Variants in DNAJC6 observed in about 807,000 individuals in gnomAD.
DNAJC6 encodes the protein auxilin.
DNAJC6 carries 34 observed loss-of-function variants against 110.0 expected under a neutral mutation model. The ratio of observed to expected loss-of-function variants is 0.31; its 90% CI spans 0.24 to 0.41. The LOEUF (loss-of-function observed/expected upper bound fraction) is 0.41. DNAJC6 is among the 10% of genes least tolerant of loss of function. The pLI is 1.00. For missense variants in DNAJC6, 1,031 were observed against 1,207.8 expected, an observed-to-expected ratio of 0.85 and a Z score of 2.17; for synonymous variants, 406 against 437.2, an observed-to-expected ratio of 0.93 and a Z score of 0.89.
intron 14 of DNAJC6, among the ~76,000 whole-genome samples, chr1:65,400,946 C>A (rs1454064791): frequency 6.6e-6 from 1 of 152,140 alleles, no homozygotes; most frequent in Non-Finnish European, 1.5e-5. Flanking sequence ...ACATTCCCAC[C>A]AACTGTGTCC....
intron 1 of DNAJC6, among the ~76,000 whole-genome samples, chr1:65,314,642 C>G (rs1472735987): frequency 6.6e-6 from 1 of 152,166 alleles, no homozygotes; most frequent in Non-Finnish European, 1.5e-5. Flanking sequence ...GCACCCACCA[C>G]CAGCCAGGCT....
chr1:65,324,158 G>GT (rs1645220582), intron 1 of DNAJC6, among the ~76,000 whole-genome samples: 1 of 151,752 alleles, frequency 6.6e-6, no homozygotes, highest in Admixed American at 6.6e-5. Flanking sequence ...TTGTTCATAA[G>GT]TTTTTTCTCT....
Position 65,309,854 on chromosome 1 carries a change from G to C in DNAJC6, c.109G>C (p.Gly37Arg). The C allele has an allele frequency of 2.6e-6, 4 of 1,548,558 alleles. No individual in the cohort carries two copies. The highest frequency in any genetic ancestry group is 3.5e-6 in the Non-Finnish European group (4 of 1,145,990). Residue 37 changes from glycine to arginine, a missense_variant, in exon 1 of 19, where the codon GGC becomes CGC. Coordinates refer to ENST00000371069, the MANE Select transcript of DNAJC6 (RefSeq NM_001256864.2). ...DLSAGSGGVG[G>R]KQRVNAGAAA... ...AAGTGCGGGAAGCGGCGGGGTTGGC[G>C]GCAAGCAGAGAGTGAACGCCGGGGC...
chr1:65,383,597 C>T (rs1645843187), intron 5 of DNAJC6, among the ~76,000 whole-genome samples: 1 of 151,524 alleles, frequency 6.6e-6, no homozygotes, highest in Non-Finnish European at 1.5e-5. Context: ...GCACAATTCC[C>T]ATTCATGAGA....
chr1:65,353,814 T>C (rs1645514837), intron 1 of DNAJC6, among the ~76,000 whole-genome samples: 1 of 152,174 alleles, frequency 6.6e-6, no homozygotes, highest in African/African-American at 2.4e-5. Flanking sequence ...TCTCCATCTT[T>C]TAGGCAGGCT....
rs1645682128 is a variant in DNAJC6 at position 65,369,205 on chromosome 1, A to G, written c.543+3009A>G. 2.0e-5 allele frequency among the ~76,000 whole-genome samples: 3 copies of G among 152,194 alleles called. No homozygotes were observed. In the South Asian group the frequency reaches 6.2e-4, roughly 32 times the overall value. ...TCCAGATAGTCCTAGAATTTGGCAG[A>G]ATGCAAGTGGATCCTCTGACCTGTC... On this transcript the variant is annotated intron_variant, in intron 4 of 18. Coordinates refer to ENST00000371069, the MANE Select transcript of DNAJC6 (RefSeq NM_001256864.2).
chr1:65,389,203 A>G, intron 9 of DNAJC6, 53 bp from the exon 10 acceptor site: 6 of 1,522,578 alleles, frequency 3.9e-6, no homozygotes, highest in Non-Finnish European at 5.4e-6. Flanking sequence ...GCCAAACATC[A>G]TACCAGTTCC....
Position 65,267,560 on chromosome 1 carries a change from GT to G in DNAJC6, c.-131+2639del, listed in dbSNP as rs558523000. ...TAAGCCGTATTCTGACATCACATCG[GT>G]TTTTTTTTTTCCTGTGAGTTTCAGT... On this transcript the variant is annotated intron_variant, in intron 1 of 19. Transcript: ENST00000263441. Among the ~76,000 whole-genome samples, 401 of 146,884 alleles carry G rather than the reference GT, an allele frequency of 2.7e-3. 9 individuals carry two copies. The highest frequency in any genetic ancestry group is 0.02 in the South Asian group (90 of 4,598).
chr1:65,386,738 G>C (rs1645876609), intron 7 of DNAJC6, 74 bp from the exon 8 acceptor site: 1 of 1,292,996 alleles, frequency 7.7e-7, no homozygotes, highest in African/African-American at 1.5e-5. Context: ...GAGCCATAGA[G>C]AACTATACCT....
intron 1 of DNAJC6, among the ~76,000 whole-genome samples, chr1:65,353,257 A>C (rs1416048229): frequency 6.6e-6 from 1 of 152,152 alleles, no homozygotes; most frequent in Non-Finnish European, 1.5e-5. Context: ...CTGTTTCTTC[A>C]GGTTTCTATT....
chr1:65,281,923 A>G (rs77254953), intron 1 of DNAJC6, among the ~76,000 whole-genome samples: 4,103 of 151,490 alleles, frequency 0.027, 183 homozygotes, highest in African/African-American at 0.094. Context: ...TAAAATTTTT[A>G]TTTTACTCAT....
intron 1 of DNAJC6, among the ~76,000 whole-genome samples, chr1:65,360,109 C>T (rs1321477963): frequency 2.0e-5 from 3 of 152,144 alleles, no homozygotes; most frequent in African/African-American, 7.2e-5. Flanking sequence ...ATTTTGAAAC[C>T]TCTCTGCCCT....
chr1:65,370,039 G>A (rs546999175), intron 4 of DNAJC6, among the ~76,000 whole-genome samples: 2 of 152,128 alleles, frequency 1.3e-5, no homozygotes, highest in South Asian at 4.2e-4. Flanking sequence ...AACCTCAGGT[G>A]TTTTTATTTT....
At chr1:65,302,227 ACTATTATATTGATATATTAAT>A (rs1262754275) in intron 1 of DNAJC6, among the ~76,000 whole-genome samples, 2 of 80,352 alleles carry the variant, frequency 2.5e-5, no homozygotes, top group African/African-American at 1.0e-4. Context: ...AATATAATAT[ACTATTATATTGATATATTAAT>A]ATATAATATT....
chr1:65,277,006 C>T (rs147315332), intron 1 of DNAJC6, among the ~76,000 whole-genome samples: 9 of 152,258 alleles, frequency 5.9e-5, no homozygotes, highest in East Asian at 5.8e-4. Context: ...TTCCTCAAAT[C>T]GTGGCTGATT....
intron 4 of DNAJC6, among the ~76,000 whole-genome samples, chr1:65,368,247 C>T (rs1645668147): frequency 6.6e-6 from 1 of 152,080 alleles, no homozygotes; most frequent in South Asian, 2.1e-4. Flanking sequence ...TTATATAGGT[C>T]AGAGGAGTGG....
intron 8 of DNAJC6, 114 bp downstream of exon 8, chr1:65,387,043 A>T: frequency 1.1e-6 from 1 of 888,334 alleles, no homozygotes; most frequent in Non-Finnish European, 1.8e-6. Flanking sequence ...TTTAGAATGA[A>T]AAAGAGCGTT....
At chr1:65,326,022 A>T (rs1382790579) in intron 1 of DNAJC6, among the ~76,000 whole-genome samples, 2 of 152,244 alleles carry the variant, frequency 1.3e-5, no homozygotes, top group Admixed American at 1.3e-4. Context: ...CTATGGGATG[A>T]CTGTCATATA....
intron 1 of DNAJC6, among the ~76,000 whole-genome samples, chr1:65,360,275 C>T (rs1645585383): frequency 6.6e-6 from 1 of 152,126 alleles, no homozygotes; most frequent in Non-Finnish European, 1.5e-5. Flanking sequence ...GCCAGTTCAA[C>T]GTATAATTTG....
Sources: allele counts gnomAD v4.1 joint callset (sites outside exome capture counted in the v4.1 genomes callset), GRCh38; gene constraint gnomAD v4.1.1; transcripts MANE v1.5; gene names NCBI Gene and HGNC (gene_info 2026-07-23, HGNC 2026-07-21).